Variants in AGBL4 observed in about 807,000 individuals in gnomAD.
AGBL4 encodes the protein cytosolic carboxypeptidase 6.
AGBL4 carries 58 observed loss-of-function variants against 66.4 expected under a neutral mutation model. The observed-to-expected ratio is 0.87, with a 90% CI of 0.71 to 1.09. The LOEUF (loss-of-function observed/expected upper bound fraction) is 1.09. Ranked by LOEUF, AGBL4 falls within the 50% of genes least tolerant of loss-of-function variation. The probability of loss-of-function intolerance (pLI) is 0.00; values close to 1 mark genes in which losing one functional copy is unlikely to be tolerated. For missense variants in AGBL4, 579 were observed against 631.0 expected, an observed-to-expected ratio of 0.92 and a Z score of 0.88; for synonymous variants, 234 against 222.9, an observed-to-expected ratio of 1.05 and a Z score of -0.44.
chr1:48,656,212 G>A (rs1646017902), intron 7 of AGBL4, among the ~76,000 whole-genome samples: 1 of 152,222 alleles, frequency 6.6e-6, no homozygotes, highest in South Asian at 2.1e-4. Flanking sequence ...CCCTGTCCCA[G>A]CTTCCAACAG....
chr1:48,662,387 T>C (rs1346453119), intron 7 of AGBL4, among the ~76,000 whole-genome samples: 1 of 152,228 alleles, frequency 6.6e-6, no homozygotes, highest in Non-Finnish European at 1.5e-5. Context: ...TGATTTCAAA[T>C]CCTCAGAGGC....
chr1:49,746,035 G>A (rs1650960452), intron 2 of AGBL4, among the ~76,000 whole-genome samples: 1 of 151,854 alleles, frequency 6.6e-6, no homozygotes, highest in East Asian at 1.9e-4. Context: ...CTCAGACATA[G>A]TCATCCAGTA....
intron 4 of AGBL4, among the ~76,000 whole-genome samples, chr1:49,179,883 A>G (rs1023017587): frequency 2.6e-5 from 4 of 151,964 alleles, no homozygotes; most frequent in Non-Finnish European, 5.9e-5. Flanking sequence ...ACAGTTACTT[A>G]ACATCTTTAT....
intron 11 of AGBL4, among the ~76,000 whole-genome samples, chr1:48,548,378 C>G (rs1416095472): frequency 6.6e-6 from 1 of 152,106 alleles, no homozygotes; most frequent in East Asian, 1.9e-4. Flanking sequence ...ACAGCCCTGA[C>G]CAGTCATTTC....
intron 4 of AGBL4, among the ~76,000 whole-genome samples, chr1:49,143,323 T>C (rs986359150): frequency 6.6e-6 from 1 of 152,150 alleles, no homozygotes; most frequent in African/African-American, 2.4e-5. Flanking sequence ...CTCATGAATA[T>C]TTCAAGAGTT....
At chr1:49,203,929 A>G (rs1272564300) in intron 4 of AGBL4, among the ~76,000 whole-genome samples, 2 of 152,230 alleles carry the variant, frequency 1.3e-5, no homozygotes, top group East Asian at 3.9e-4. Flanking sequence ...GGGTAAATTT[A>G]TGTGCTTTTT....
rs538537041 is a variant in AGBL4 at position 49,288,239 on chromosome 1, A to C, written c.283-42375T>G. Among the ~76,000 whole-genome samples the C allele has an allele frequency of 4.8e-5, 7 of 144,860 alleles. No homozygotes were observed. In the South Asian group the frequency reaches 1.4e-3, roughly 29 times the overall value. On this transcript the variant is annotated intron_variant, in intron 3 of 13. Transcript: ENST00000371839. Reference sequence around the variant, plus strand: ...TGGGGTGGGGGGAGGGGGGAGGGATAGCATTGGGAGATATACCTAATGCTT... The same window carrying C: ...TGGGGTGGGGGGAGGGGGGAGGGATCGCATTGGGAGATATACCTAATGCTT...
chr1:49,874,164 G>GA (rs760003557), intron 1 of AGBL4, among the ~76,000 whole-genome samples: 23 of 149,846 alleles, frequency 1.5e-4, no homozygotes, highest in East Asian at 7.8e-4. Flanking sequence ...ATCTTTTTAA[G>GA]AAAAAAAAAT....
chr1:48,542,036 C>T (rs1454775395), intron 11 of AGBL4, among the ~76,000 whole-genome samples: 2 of 152,144 alleles, frequency 1.3e-5, no homozygotes, highest in Non-Finnish European at 2.9e-5. Flanking sequence ...TTTCCCCTCC[C>T]TGTGTCCATG....
intron 3 of AGBL4, among the ~76,000 whole-genome samples, chr1:49,489,237 A>G (rs1647135848): frequency 6.6e-6 from 1 of 151,896 alleles, no homozygotes; most frequent in Non-Finnish European, 1.5e-5. Flanking sequence ...CTGGAGTAAG[A>G]TGATATCTCA....
chr1:49,937,991 A>C (rs147982656), intron 1 of AGBL4, among the ~76,000 whole-genome samples: 13,390 of 150,646 alleles, frequency 0.089, 810 homozygotes, highest in African/African-American at 0.16. Flanking sequence ...GAAATAACTA[A>C]AATCAGAGCA....
intron 3 of AGBL4, among the ~76,000 whole-genome samples, chr1:49,428,971 G>A (rs1005392681): frequency 6.6e-6 from 1 of 152,216 alleles, no homozygotes; most frequent in Non-Finnish European, 1.5e-5. Flanking sequence ...TTATAATACA[G>A]CACTGAGTAG....
At chr1:49,392,389 A>T (rs1330263373) in intron 3 of AGBL4, among the ~76,000 whole-genome samples, 9 of 152,218 alleles carry the variant, frequency 5.9e-5, no homozygotes, top group Non-Finnish European at 8.8e-5. Context: ...AACACAGTTA[A>T]GCCAGGAACC....
intron 3 of AGBL4, among the ~76,000 whole-genome samples, chr1:49,376,485 A>G (rs1260277601): frequency 2.6e-5 from 4 of 151,796 alleles, no homozygotes; most frequent in Non-Finnish European, 5.9e-5. Flanking sequence ...TTCTTCCAAG[A>G]CTCTAGTAAG....
intron 3 of AGBL4, among the ~76,000 whole-genome samples, chr1:49,672,921 C>CAAAAAAAA (rs60612868): frequency 6.4e-5 from 3 of 47,048 alleles, no homozygotes; most frequent in Non-Finnish European, 1.0e-4. Flanking sequence ...AACTCCATCT[C>CAAAAAAAA]AAAAAAAAAA....
intron 3 of AGBL4, among the ~76,000 whole-genome samples, chr1:49,484,980 T>C (rs1647033299): frequency 6.6e-6 from 1 of 151,970 alleles, no homozygotes; most frequent in Non-Finnish European, 1.5e-5. Flanking sequence ...CCATTCAGCC[T>C]TTAAAAAGAA....
chr1:48,734,426 C>A (rs1648679965), intron 6 of AGBL4, among the ~76,000 whole-genome samples: 1 of 152,212 alleles, frequency 6.6e-6, no homozygotes. Flanking sequence ...TCACCAAGAG[C>A]ACTGTATCAG....
At chr1:49,331,992 G>A (rs1412087491) in intron 3 of AGBL4, among the ~76,000 whole-genome samples, 6 of 152,216 alleles carry the variant, frequency 3.9e-5, no homozygotes, top group Admixed American at 6.5e-5. Context: ...CAGCCTGAGG[G>A]CTTTGGAGAG....
chr1:48,639,439 T>C (rs1296391263), intron 8 of AGBL4, among the ~76,000 whole-genome samples: 1 of 152,230 alleles, frequency 6.6e-6, no homozygotes, highest in Non-Finnish European at 1.5e-5. Flanking sequence ...TCAATGGACT[T>C]ATTTGTAAAA....
Sources: allele counts gnomAD v4.1 joint callset (sites outside exome capture counted in the v4.1 genomes callset), GRCh38; gene constraint gnomAD v4.1.1; transcripts MANE v1.5; gene names NCBI Gene and HGNC (gene_info 2026-07-23, HGNC 2026-07-21).